Variants in DRC11 observed in about 807,000 individuals in gnomAD.
DRC11 encodes the protein dynein regulatory complex subunit 11.
At chr2:236,423,457 T>G in the DRC11 span, among the ~76,000 whole-genome samples, 6 of 152,152 alleles carry the variant, frequency 3.9e-5, no homozygotes, top group African/African-American at 1.2e-4. Context: ...AACATGCTCA[T>G]CATCACTGGC....
chr2:236,449,899 A>C, the DRC11 span, among the ~76,000 whole-genome samples: 2 of 152,168 alleles, frequency 1.3e-5, no homozygotes, highest in Non-Finnish European at 2.9e-5. This position sits in a 1 kb window ranked among gnomAD's most constrained non-coding sequence, Gnocchi z 5.1. Context: ...ATGAGTTGCC[A>C]CTTTGCTTTT....
the DRC11 span, among the ~76,000 whole-genome samples, chr2:236,478,004 T>TC: frequency 2.7e-4 from 35 of 128,168 alleles, no homozygotes; most frequent in African/African-American, 1.1e-3. This position sits in a 1 kb window ranked among gnomAD's most constrained non-coding sequence, Gnocchi z 5.9. Flanking sequence ...GTTTTGTTGA[T>TC]TTGTGTGTGT....
At chr2:236,324,607 G>T in the DRC11 span, 1 of 806,746 alleles carries the variant, frequency 1.2e-6, no homozygotes, top group Non-Finnish European at 2.0e-6. The surrounding 1 kb of genome is among the most constrained non-coding windows in gnomAD (Gnocchi z 5.7). Context: ...GGCGAGTTGG[G>T]GTCCTCTCCA....
the DRC11 span, among the ~76,000 whole-genome samples, chr2:236,383,349 C>A: frequency 3.3e-5 from 5 of 152,280 alleles, no homozygotes; most frequent in African/African-American, 9.6e-5. Context: ...CTTAGTCTAG[C>A]ACAGAGTTTG....
At chr2:236,312,876 G>A in the DRC11 span, among the ~76,000 whole-genome samples, 81 of 152,036 alleles carry the variant, frequency 5.3e-4, no homozygotes, top group African/African-American at 1.9e-3. Flanking sequence ...CACTATTTCA[G>A]GTCTTACAAA....
At chr2:236,491,600 G>C in the DRC11 span, among the ~76,000 whole-genome samples, 3 of 152,210 alleles carry the variant, frequency 2.0e-5, no homozygotes, top group East Asian at 5.8e-4. Flanking sequence ...AAAATCTTTA[G>C]TAATTCTGCA....
the DRC11 span, among the ~76,000 whole-genome samples, chr2:236,355,396 A>G: frequency 6.6e-6 from 1 of 152,150 alleles, no homozygotes; most frequent in Admixed American, 6.5e-5. Flanking sequence ...AAAATAGTCT[A>G]TGTAAAAAAG....
chr2:236,362,026 A>G, the DRC11 span, among the ~76,000 whole-genome samples: 2 of 152,202 alleles, frequency 1.3e-5, no homozygotes, highest in African/African-American at 2.4e-5. The surrounding 1 kb of genome is among the most constrained non-coding windows in gnomAD (Gnocchi z 5.7). Context: ...GGGTCATTTC[A>G]TAATGATAAA....
chr2:236,426,496 A>C, the DRC11 span, among the ~76,000 whole-genome samples: 113 of 150,448 alleles, frequency 7.5e-4, 2 homozygotes, highest in East Asian at 0.019. The surrounding 1 kb of genome is among the most constrained non-coding windows in gnomAD (Gnocchi z 4.1). Flanking sequence ...TGTATCTTGC[A>C]ACTTTACTAA....
At chr2:236,448,890 C>T in the DRC11 span, among the ~76,000 whole-genome samples, 2 of 152,108 alleles carry the variant, frequency 1.3e-5, no homozygotes, top group African/African-American at 4.8e-5. This position sits in a 1 kb window ranked among gnomAD's most constrained non-coding sequence, Gnocchi z 5.3. Flanking sequence ...GATGGAGTCT[C>T]GCTCTGTCAC....
chr2:236,414,510 C>G, the DRC11 span, among the ~76,000 whole-genome samples: 4 of 151,994 alleles, frequency 2.6e-5, no homozygotes, highest in African/African-American at 9.7e-5. Flanking sequence ...GTTTTTAGTA[C>G]AGATGGGGTC....
the DRC11 span, chr2:236,331,769 G>C: frequency 1.7e-6 from 1 of 603,312 alleles, no homozygotes; most frequent in Non-Finnish European, 2.9e-6. This position sits in a 1 kb window ranked among gnomAD's most constrained non-coding sequence, Gnocchi z 4.8. Context: ...CTTTCCTCTA[G>C]AGAATTTTCA....
chr2:236,324,264 G>T, the DRC11 span: 1 of 177,628 alleles, frequency 5.6e-6, no homozygotes, highest in Non-Finnish European at 1.2e-5. The surrounding 1 kb of genome is among the most constrained non-coding windows in gnomAD (Gnocchi z 5.7). Context: ...TAAAAAGCTA[G>T]TGTACTGATG....
the DRC11 span, chr2:236,503,710 C>T: frequency 6.4e-7 from 1 of 1,550,422 alleles, no homozygotes; most frequent in South Asian, 1.2e-5. The surrounding 1 kb of genome is among the most constrained non-coding windows in gnomAD (Gnocchi z 4.9). Context: ...TGGCTTCCTG[C>T]TCCCCAGCTG....
chr2:236,464,371 T>C, the DRC11 span, among the ~76,000 whole-genome samples: 1 of 152,212 alleles, frequency 6.6e-6, no homozygotes, highest in Non-Finnish European at 1.5e-5. Context: ...AGAAAACAGA[T>C]GGGCAAGCTT....
chr2:236,367,067 A>C, the DRC11 span, among the ~76,000 whole-genome samples: 1 of 145,810 alleles, frequency 6.9e-6, no homozygotes, highest in East Asian at 2.0e-4. This position sits in a 1 kb window ranked among gnomAD's most constrained non-coding sequence, Gnocchi z 4.8. Flanking sequence ...TGATCTGCCC[A>C]CACTGGCTTC....
At chr2:236,474,804 T>TTA in the DRC11 span, among the ~76,000 whole-genome samples, 1 of 152,138 alleles carries the variant, frequency 6.6e-6, no homozygotes, top group Non-Finnish European at 1.5e-5. Flanking sequence ...TAATATTACT[T>TTA]TTTTTGTTTT....
the DRC11 span, among the ~76,000 whole-genome samples, chr2:236,443,016 A>C: frequency 6.6e-6 from 1 of 152,164 alleles, no homozygotes; most frequent in Non-Finnish European, 1.5e-5. The surrounding 1 kb of genome is among the most constrained non-coding windows in gnomAD (Gnocchi z 4.4). Context: ...TGTTTCTTGG[A>C]GACAATCTTC....
chr2:236,447,821 A>G, the DRC11 span, among the ~76,000 whole-genome samples: 1 of 147,096 alleles, frequency 6.8e-6, no homozygotes, highest in South Asian at 2.2e-4. This position sits in a 1 kb window ranked among gnomAD's most constrained non-coding sequence, Gnocchi z 4.6. Context: ...TGGATGCCCA[A>G]TCGAGGAGTC....
Sources: allele counts gnomAD v4.1 joint callset (sites outside exome capture counted in the v4.1 genomes callset), GRCh38; gene constraint gnomAD v4.1.1; non-coding constraint Gnocchi (gnomAD v3.1); transcripts MANE v1.5; gene names NCBI Gene and HGNC (gene_info 2026-07-23, HGNC 2026-07-21).